Variants in CPT1A observed in about 807,000 individuals in gnomAD.
CPT1A encodes carnitine palmitoyltransferase 1A.
Under a neutral mutation model 100.8 loss-of-function variants are expected in CPT1A, and 64 were observed. The observed-to-expected ratio is 0.63, with a 90% CI of 0.52 to 0.78. The LOEUF (loss-of-function observed/expected upper bound fraction) is 0.78, where lower values mean the gene tolerates loss of function less well. Among genes scored for constraint, CPT1A ranks in the 30% least tolerant of loss-of-function variants. The probability of loss-of-function intolerance (pLI) is 0.00; values close to 1 mark genes in which losing one functional copy is unlikely to be tolerated. For synonymous variants in CPT1A, 363 were observed against 396.0 expected, an observed-to-expected ratio of 0.92 and a Z score of 0.99; for missense variants, 802 against 1,034.1, an observed-to-expected ratio of 0.78 and a Z score of 3.08.
chr11:68,797,656 G>C (rs1397772290), intron 6 of CPT1A, among the ~76,000 whole-genome samples: 1 of 152,028 alleles, frequency 6.6e-6, no homozygotes, highest in East Asian at 1.9e-4. Flanking sequence ...CTGGGCAACA[G>C]AGCAAGACCC....
chr11:68,798,576 A>G (rs1446207013), intron 6 of CPT1A, among the ~76,000 whole-genome samples: 1 of 151,896 alleles, frequency 6.6e-6, no homozygotes, highest in African/African-American at 2.4e-5. Context: ...GCCAGCTAAG[A>G]CGCTTCGTTG....
chr11:68,821,768 C>A (rs892082995), intron 1 of CPT1A, among the ~76,000 whole-genome samples: 1 of 152,084 alleles, frequency 6.6e-6, no homozygotes, highest in African/African-American at 2.4e-5. Context: ...AGAAGCAGAG[C>A]CTGAGGATAC....
At chr11:68,785,605 A>G (rs1158653440) in intron 9 of CPT1A, 1 of 72,516 alleles carries the variant, frequency 1.4e-5, no homozygotes. Context: ...ATGGAATATT[A>G]TCATTAAAAA....
At chr11:68,774,984 C>T (rs1468513252) in intron 13 of CPT1A, among the ~76,000 whole-genome samples, 1 of 152,038 alleles carries the variant, frequency 6.6e-6, no homozygotes, top group African/African-American at 2.4e-5. Context: ...AATTTAGAGG[C>T]TTTCAGCTCT....
chr11:68,811,134 G>GT (rs1349804864), intron 3 of CPT1A, among the ~76,000 whole-genome samples: 3 of 152,168 alleles, frequency 2.0e-5, no homozygotes, highest in Non-Finnish European at 4.4e-5. Context: ...CCAGAGCTTC[G>GT]TTTTTTAGCT....
chr11:68,801,114 A>G (rs1855894309), intron 5 of CPT1A, among the ~76,000 whole-genome samples: 1 of 152,104 alleles, frequency 6.6e-6, no homozygotes, highest in Non-Finnish European at 1.5e-5. Flanking sequence ...GTCTCCAAAA[A>G]AAAGGGGGAG....
At chr11:68,785,434 A>T (rs1855431013) in intron 9 of CPT1A, among the ~76,000 whole-genome samples, 1 of 151,356 alleles carries the variant, frequency 6.6e-6, no homozygotes, top group Non-Finnish European at 1.5e-5. Context: ...GGTGACATGC[A>T]CCTCTAGTCC....
chr11:68,759,156 G>A (rs763592638), intron 18 of CPT1A, among the ~76,000 whole-genome samples: 9 of 152,148 alleles, frequency 5.9e-5, no homozygotes, highest in Non-Finnish European at 1.0e-4. Context: ...CACTTTGGGA[G>A]GTCGAGGCAG....
At chr11:68,831,630 C>A (rs1333482862) in intron 1 of CPT1A, among the ~76,000 whole-genome samples, 3 of 138,688 alleles carry the variant, frequency 2.2e-5, no homozygotes, top group Non-Finnish European at 3.2e-5. Flanking sequence ...GAAGTTACAG[C>A]ACATTCCTTT....
chr11:68,823,510 C>T (rs565295862), intron 1 of CPT1A, among the ~76,000 whole-genome samples: 185 of 152,082 alleles, frequency 1.2e-3, no homozygotes, highest in Non-Finnish European at 2.3e-3. Context: ...TGAAATTGGC[C>T]GGGCACGGTG....
chr11:68,843,822 C>G (rs1214658092), upstream of CPT1A, among the ~76,000 whole-genome samples: 1 of 152,222 alleles, frequency 6.6e-6, no homozygotes, highest in East Asian at 1.9e-4. This position sits in a 1 kb window ranked among gnomAD's most constrained non-coding sequence, Gnocchi z 4.0. Context: ...GCCCGGGCGG[C>G]TCTCGCGCGT....
chr11:68,799,197 A>G, intron 6 of CPT1A, 21 bp downstream of exon 6: 1 of 1,609,968 alleles, frequency 6.2e-7, no homozygotes, highest in Non-Finnish European at 8.5e-7. Context: ...TCATCAAGAA[A>G]AACTGTGTAT....
intron 14 of CPT1A, among the ~76,000 whole-genome samples, chr11:68,767,446 G>A (rs371708166): frequency 7.9e-5 from 12 of 152,188 alleles, no homozygotes; most frequent in Middle Eastern, 3.4e-3. Flanking sequence ...AAAATTAGAC[G>A]GGCCTGGTGG....
chr11:68,784,682 C>A, intron 10 of CPT1A, 133 bp downstream of exon 10: 1 of 854,836 alleles, frequency 1.2e-6, no homozygotes. Context: ...AGCCGGGAGA[C>A]CCCAGAGAAA....
intron 14 of CPT1A, 44 bp from the exon 15 acceptor site, chr11:68,762,805 T>C (rs1854669033): frequency 6.2e-7 from 1 of 1,612,692 alleles, no homozygotes; most frequent in Non-Finnish European, 8.5e-7. Flanking sequence ...GGCATGCTGA[T>C]ATGTCTAAAA....
At chr11:68,798,488 T>C (rs72943253) in intron 6 of CPT1A, among the ~76,000 whole-genome samples, 12,857 of 152,054 alleles carry the variant, frequency 0.085, 646 homozygotes, top group Non-Finnish European at 0.11. Flanking sequence ...CTAGACTCCC[T>C]CCCTTGCTTT....
At chr11:68,766,872 C>T (rs943043753) in intron 14 of CPT1A, among the ~76,000 whole-genome samples, 6 of 151,892 alleles carry the variant, frequency 4.0e-5, no homozygotes, top group African/African-American at 1.5e-4. Context: ...ACAACATCAC[C>T]TGCTAATATT....
Position 68,812,614 on chromosome 11 carries a change from C to G in CPT1A, c.142-38G>C, listed in dbSNP as rs568819423. 277 of 1,613,132 alleles carry G rather than the reference C, an allele frequency of 1.7e-4. No homozygotes were observed. The African/African-American group carries it at 3.5e-3, about 21-fold the overall frequency. Reference sequence around the variant, plus strand: ...ACCCGGGCCGTGAGCGGTGTCCTCCCACAACCCACAGGGCAATGACGCTTC... The same window carrying G: ...ACCCGGGCCGTGAGCGGTGTCCTCCGACAACCCACAGGGCAATGACGCTTC... On this transcript the variant is annotated intron_variant, in intron 2 of 18. Coordinates refer to ENST00000265641, the MANE Select transcript of CPT1A (RefSeq NM_001876.4).
chr11:68,771,222 G>A (rs1433164479), intron 14 of CPT1A, among the ~76,000 whole-genome samples: 1 of 152,140 alleles, frequency 6.6e-6, no homozygotes, highest in Non-Finnish European at 1.5e-5. Flanking sequence ...TTGAGTCAAC[G>A]TCACCAATTT....
Sources: gnomAD v4.1 joint callset for allele counts (sites outside exome capture counted in the v4.1 genomes callset) on GRCh38, gnomAD v4.1.1 for gene constraint, Gnocchi (gnomAD v3.1) non-coding constraint, MANE v1.5 for transcripts, NCBI Gene and HGNC (gene_info 2026-07-23, HGNC 2026-07-21) for gene names.